AMOTL1: variants seen among roughly 807,000 people sequenced by gnomAD.
AMOTL1 encodes the protein angiomotin-like protein 1.
In AMOTL1, 45 loss-of-function variants were observed where a neutral mutation model predicts 102.9. That is an observed-to-expected ratio of 0.44 (90% CI 0.34 to 0.56). AMOTL1 has a LOEUF of 0.56. Ranked by LOEUF, AMOTL1 falls within the 20% of genes least tolerant of loss-of-function variation. The pLI is 0.01. For missense variants in AMOTL1, 1,114 were observed against 1,225.6 expected (o/e 0.91, Z 1.36); for synonymous variants, 481 against 484.7 (o/e 0.99, Z 0.10).
chr11:94,730,386 A>C (rs1417790138), intron 2 of AMOTL1, among the ~76,000 whole-genome samples: 1 of 152,086 alleles, frequency 6.6e-6, no homozygotes, highest in Non-Finnish European at 1.5e-5. Flanking sequence ...TCATCTTTGA[A>C]GCTTCTGCTT....
chr11:94,740,700 C>CCG (rs1460523142), intron 2 of AMOTL1, among the ~76,000 whole-genome samples: 34 of 151,992 alleles, frequency 2.2e-4, no homozygotes, highest in African/African-American at 7.5e-4. Flanking sequence ...GCGCGCCTGA[C>CCG]CGCGCCTGGA....
chr11:94,837,599 C>T (rs1027102641), intron 6 of AMOTL1, among the ~76,000 whole-genome samples: 1 of 152,208 alleles, frequency 6.6e-6, no homozygotes, highest in South Asian at 2.1e-4. Context: ...ACCAGAAGTG[C>T]GCACAGCCTG....
intron 1 of AMOTL1, among the ~76,000 whole-genome samples, chr11:94,777,778 G>C (rs975714465): frequency 6.6e-6 from 1 of 152,156 alleles, no homozygotes; most frequent in Non-Finnish European, 1.5e-5. Flanking sequence ...ATTTTGGACA[G>C]AATATAAATT....
chr11:94,789,602 C>T (rs576275852), intron 1 of AMOTL1, among the ~76,000 whole-genome samples: 1 of 152,322 alleles, frequency 6.6e-6, no homozygotes, highest in East Asian at 1.9e-4. Flanking sequence ...CAGGCTGGCC[C>T]TTATTTTTCA....
chr11:94,771,565 T>C (rs1041294393), intron 1 of AMOTL1, among the ~76,000 whole-genome samples: 9 of 152,166 alleles, frequency 5.9e-5, no homozygotes, highest in African/African-American at 2.2e-4. Context: ...TTGGCTTGGC[T>C]TTGTTTTGTC....
At chr11:94,721,663 C>A (rs1163277016) in intron 1 of AMOTL1, among the ~76,000 whole-genome samples, 1 of 152,034 alleles carries the variant, frequency 6.6e-6, no homozygotes, top group Non-Finnish European at 1.5e-5. Context: ...CAGAATTGAC[C>A]AGGACCTTAA....
chr11:94,810,831 GACACAC>G (rs3995610), intron 3 of AMOTL1, among the ~76,000 whole-genome samples: 10,374 of 143,456 alleles, frequency 0.072, 534 homozygotes, highest in African/African-American at 0.14. Flanking sequence ...AAAAATAAAA[GACACAC>G]ACACACACAC....
At chr11:94,833,917 G>A (rs891823325) in intron 6 of AMOTL1, among the ~76,000 whole-genome samples, 14 of 152,214 alleles carry the variant, frequency 9.2e-5, no homozygotes, top group Non-Finnish European at 1.9e-4. Context: ...CCAATAAAAT[G>A]CAGGAGGAGG....
chr11:94,725,987 A>T (rs1950251265), intron 1 of AMOTL1, among the ~76,000 whole-genome samples: 1 of 152,178 alleles, frequency 6.6e-6, no homozygotes, highest in Non-Finnish European at 1.5e-5. Flanking sequence ...TGAAGTTGTC[A>T]TAGTGCTTAG....
At chr11:94,776,684 G>A (rs1409876711) in intron 1 of AMOTL1, among the ~76,000 whole-genome samples, 1 of 152,220 alleles carries the variant, frequency 6.6e-6, no homozygotes, top group Non-Finnish European at 1.5e-5. Context: ...GGCTGCTCTG[G>A]GTGGTATGAC....
At chr11:94,848,669 C>T (rs1952469354) in intron 6 of AMOTL1, among the ~76,000 whole-genome samples, 2 of 152,218 alleles carry the variant, frequency 1.3e-5, no homozygotes, top group South Asian at 4.1e-4. Flanking sequence ...CTTTCCTCTT[C>T]TCAGCAATGA....
intron 3 of AMOTL1, among the ~76,000 whole-genome samples, chr11:94,803,775 C>G (rs4753626): frequency 0.21 from 31,771 of 152,088 alleles, 4,239 homozygotes; most frequent in East Asian, 0.47. Flanking sequence ...GTATATTAGT[C>G]AACATGCATA....
chr11:94,846,471 T>C (rs1000351573), intron 6 of AMOTL1, among the ~76,000 whole-genome samples: 48 of 152,200 alleles, frequency 3.2e-4, no homozygotes, highest in African/African-American at 1.1e-3. Context: ...CACAGAGAGG[T>C]TTGTTTACTA....
intron 7 of AMOTL1, among the ~76,000 whole-genome samples, chr11:94,852,557 G>A (rs1952565534): frequency 6.6e-6 from 1 of 152,252 alleles, no homozygotes; most frequent in Admixed American, 6.5e-5. Context: ...GTATGCCCAG[G>A]ATTTATGAAC....
chr11:94,799,209 C>A lies in AMOTL1; in HGVS notation c.200-181C>A, dbSNP rs938027290. ...GAGAGGGAGTGCAGAATAGTAGACT[C>A]GCTTTGAATTGGAGAAGAAAATTCC... On this transcript the variant is annotated intron_variant, in intron 2 of 12. Coordinates refer to ENST00000433060, the MANE Select transcript of AMOTL1 (RefSeq NM_130847.3). The surrounding 1 kb of genome is among the most constrained non-coding windows in gnomAD (Gnocchi z 4.5). 6.6e-6 allele frequency among the ~76,000 whole-genome samples: 1 copy of A among 151,890 alleles called. No individual in the cohort carries two copies. Among genetic ancestry groups the A allele is most frequent in the Non-Finnish European group, 1.5e-5 (1 of 67,984 alleles).
intron 2 of AMOTL1, among the ~76,000 whole-genome samples, chr11:94,734,903 G>T (rs1352563088): frequency 2.0e-5 from 3 of 152,192 alleles, no homozygotes; most frequent in African/African-American, 7.2e-5. Flanking sequence ...GTGGGCCCTA[G>T]CTACTGTCTT....
At chr11:94,819,006 T>TTTG (rs1951815823) in intron 3 of AMOTL1, among the ~76,000 whole-genome samples, 1 of 141,412 alleles carries the variant, frequency 7.1e-6, no homozygotes, top group South Asian at 2.3e-4. Flanking sequence ...TTGTTTGTTT[T>TTTG]TTTCTCTTCC....
At chr11:94,777,736 T>C (rs577036047) in intron 1 of AMOTL1, among the ~76,000 whole-genome samples, 121 of 152,336 alleles carry the variant, frequency 7.9e-4, no homozygotes, top group African/African-American at 2.8e-3. Context: ...ATTTCTCTTA[T>C]AGAAGAGACA....
chr11:94,719,904 C>CTTAAAA (rs1950151575), intron 1 of AMOTL1, among the ~76,000 whole-genome samples: 2 of 152,064 alleles, frequency 1.3e-5, no homozygotes, highest in Non-Finnish European at 2.9e-5. Context: ...GAAATACGGG[C>CTTAAAA]ACCCAAGGAT....
Sources: allele counts gnomAD v4.1 joint callset (sites outside exome capture counted in the v4.1 genomes callset), GRCh38; gene constraint gnomAD v4.1.1; non-coding constraint Gnocchi (gnomAD v3.1); transcripts MANE v1.5; gene names NCBI Gene and HGNC (gene_info 2026-07-23, HGNC 2026-07-21).